The following CMSS1 variants were observed in gnomAD, a reference collection of about 807,000 sequenced individuals.
The protein encoded by CMSS1 is cms1 ribosomal small subunit homolog, also known as protein CMSS1.
In CMSS1, 33 loss-of-function variants were observed where a neutral mutation model predicts 43.5. The observed-to-expected ratio is 0.76, with a 90% CI of 0.57 to 1.01. CMSS1 has a LOEUF of 1.01. Among genes scored for constraint, CMSS1 ranks in the 50% least tolerant of loss-of-function variants. The pLI is 0.00. For synonymous variants in CMSS1, 115 were observed against 117.2 expected (o/e 0.98, Z 0.12); for missense variants, 313 against 326.4 (o/e 0.96, Z 0.32).
chr3:99,929,513 AGTGTGT>A (rs10629410), intron 1 of CMSS1, among the ~76,000 whole-genome samples: 25 of 148,282 alleles, frequency 1.7e-4, no homozygotes, highest in Non-Finnish European at 2.2e-4. Context: ...AAGTTCCCAG[AGTGTGT>A]GTGTGTGTGT....
intron 1 of CMSS1, chr3:99,848,139 T>C: frequency 1.3e-6 from 2 of 1,487,990 alleles, no homozygotes; most frequent in Non-Finnish European, 1.8e-6. Flanking sequence ...TAGTTTCAGA[T>C]ACTCTTGTAT....
intron 1 of CMSS1, among the ~76,000 whole-genome samples, chr3:99,933,826 A>T (rs1430122986): frequency 6.6e-6 from 1 of 152,198 alleles, no homozygotes; most frequent in African/African-American, 2.4e-5. Flanking sequence ...GGCATGCATT[A>T]GGGTGACTGG....
chr3:100,008,377 A>T (rs1193916833), intron 1 of CMSS1, among the ~76,000 whole-genome samples: 1 of 152,148 alleles, frequency 6.6e-6, no homozygotes, highest in African/African-American at 2.4e-5. Context: ...AAGTTCCCCA[A>T]ACTAAAATTT....
In CMSS1 at chr3:99,863,332, A is replaced by G. The variant is rs137995983; in HGVS notation, c.64+45289A>G. Reference sequence around the variant, plus strand: ...CTCATCCCGCTGCTCACCTCCTGCTATGTGACCCGGTAATAGGCCTCAAAC... The same window carrying G: ...CTCATCCCGCTGCTCACCTCCTGCTGTGTGACCCGGTAATAGGCCTCAAAC... On this transcript the variant is annotated intron_variant, in intron 1 of 9. Coordinates refer to ENST00000421999, the MANE Select transcript of CMSS1 (RefSeq NM_032359.4). Among the ~76,000 whole-genome samples the G allele has an allele frequency of 9.9e-5, 15 of 152,236 alleles. No homozygotes were observed. In the East Asian group the frequency reaches 1.4e-3, roughly 14 times the overall value.
intron 1 of CMSS1, among the ~76,000 whole-genome samples, chr3:99,884,456 C>G (rs147595962): frequency 6.7e-4 from 102 of 152,176 alleles, no homozygotes; most frequent in Middle Eastern, 3.4e-3. Context: ...AATATGGAAC[C>G]TCTATAAAGA....
chr3:100,072,483 T>C (rs1326438163), intron 1 of CMSS1, among the ~76,000 whole-genome samples: 1 of 152,206 alleles, frequency 6.6e-6, no homozygotes, highest in African/African-American at 2.4e-5. Context: ...CTCTTATGAC[T>C]GATTTCATCA....
intron 1 of CMSS1, chr3:99,929,918 C>T: frequency 1.2e-6 from 2 of 1,613,768 alleles, no homozygotes; most frequent in Non-Finnish European, 1.7e-6. Context: ...TGAAAAGCAT[C>T]TCTCTGGAGA....
intron 1 of CMSS1, among the ~76,000 whole-genome samples, chr3:100,031,160 A>C (rs2065016109): frequency 1.3e-5 from 2 of 152,128 alleles, no homozygotes; most frequent in Non-Finnish European, 2.9e-5. Context: ...TATGTACTTA[A>C]ATGTCATATT....
intron 1 of CMSS1, among the ~76,000 whole-genome samples, chr3:99,972,986 G>T (rs887434428): frequency 1.3e-5 from 2 of 152,168 alleles, no homozygotes; most frequent in Non-Finnish European, 2.9e-5. Flanking sequence ...GCTGAGAGCA[G>T]AAATAGGCCA....
chr3:100,051,503 C>T (rs2065372470), intron 1 of CMSS1, among the ~76,000 whole-genome samples: 2 of 116,204 alleles, frequency 1.7e-5, no homozygotes, highest in South Asian at 7.5e-4. Flanking sequence ...CTAACCCTCC[C>T]CCCTCCCCCC....
At chr3:99,847,156 A>G (rs572829554) in intron 1 of CMSS1, among the ~76,000 whole-genome samples, 3 of 152,244 alleles carry the variant, frequency 2.0e-5, no homozygotes, top group East Asian at 1.9e-4. Flanking sequence ...TGCCTTTTCT[A>G]TAGCTTATGT....
Position 100,177,321 on chromosome 3 carries a change from CCT to C in CMSS1, c.756+907_756+908del, listed in dbSNP as rs553526371. 4.4e-3 allele frequency among the ~76,000 whole-genome samples: 667 copies of C among 152,266 alleles called. 5 individuals are homozygous for C. Among genetic ancestry groups the C allele is most frequent in the Non-Finnish European group, 5.0e-3 (339 of 68,016 alleles). ...ACATACACAGTCGTGCATTTTGTCCCCTGACTTGACTGGTTTCTTAAAACTGG... is the reference window on the plus strand; with the variant it reads ...ACATACACAGTCGTGCATTTTGTCCCGACTTGACTGGTTTCTTAAAACTGG... On this transcript the variant is annotated intron_variant, in intron 9 of 9. Transcript: ENST00000421999.
chr3:100,120,805 C>A (rs977149519), intron 1 of CMSS1, among the ~76,000 whole-genome samples: 7 of 152,016 alleles, frequency 4.6e-5, no homozygotes, highest in Admixed American at 3.9e-4. Flanking sequence ...AACTGGACAC[C>A]TTGGGCAAGG....
chr3:99,850,395 C>T (rs1322684462), intron 1 of CMSS1: 2 of 1,613,568 alleles, frequency 1.2e-6, no homozygotes, highest in East Asian at 2.2e-5. Context: ...CTAACTTTTC[C>T]AGAGCCATAA....
At position 99,934,775 on chromosome 3, in the gene CMSS1, C is replaced by T. The variant is rs921354032; in HGVS notation, c.64+116732C>T. ...TGAAATCTGGTAGGAGAACATAGAT[C>T]ATTTGCCAGTGATGATATTCATAAG... On this transcript the variant is annotated intron_variant, in intron 1 of 9. Transcript: ENST00000421999. Among the ~76,000 whole-genome samples, 5 of 152,194 alleles carry T rather than the reference C, an allele frequency of 3.3e-5. No homozygotes were observed. The East Asian group carries it at 9.6e-4, about 29-fold the overall frequency.
intron 1 of CMSS1, among the ~76,000 whole-genome samples, chr3:99,864,120 TAAGA>T (rs1944395444): frequency 6.6e-6 from 1 of 152,252 alleles, no homozygotes; most frequent in Non-Finnish European, 1.5e-5. Context: ...TTGAAATTAT[TAAGA>T]TAGATTGTAA....
intron 1 of CMSS1, among the ~76,000 whole-genome samples, chr3:100,087,319 T>C (rs1041908264): frequency 1.3e-5 from 2 of 152,222 alleles, no homozygotes; most frequent in African/African-American, 4.8e-5. Flanking sequence ...CCACCAACAG[T>C]GTATGAGAAA....
At chr3:99,875,731 A>G (rs1705478270) in intron 1 of CMSS1, among the ~76,000 whole-genome samples, 1 of 152,186 alleles carries the variant, frequency 6.6e-6, no homozygotes, top group African/African-American at 2.4e-5. Context: ...GGGTTGCTGC[A>G]GTACAATATA....
intron 2 of CMSS1, among the ~76,000 whole-genome samples, chr3:100,149,144 GCT>G (rs2066880832): frequency 6.6e-6 from 1 of 151,794 alleles, no homozygotes; most frequent in African/African-American, 2.4e-5. Context: ...TTTGTTCCTT[GCT>G]CTTTCTGGAC....
Sources: gnomAD v4.1 joint callset for allele counts (sites outside exome capture counted in the v4.1 genomes callset) on GRCh38, gnomAD v4.1.1 for gene constraint, MANE v1.5 for transcripts, NCBI Gene and HGNC (gene_info 2026-07-23, HGNC 2026-07-21) for gene names.